Variants in IKBKB-DT observed in about 807,000 individuals in gnomAD.
The protein encoded by IKBKB-DT is IKBKB antisense RNA.
chr8:42,252,229 C>G (rs902129925), intron 3 of IKBKB-DT, among the ~76,000 whole-genome samples: 5 of 152,222 alleles, frequency 3.3e-5, no homozygotes, highest in African/African-American at 1.2e-4. Context: ...AACGGCACAC[C>G]TGGTCCAACC....
At chr8:42,254,188 A>G (rs1807164441) in intron 3 of IKBKB-DT, among the ~76,000 whole-genome samples, 1 of 152,258 alleles carries the variant, frequency 6.6e-6, no homozygotes, top group African/African-American at 2.4e-5. Flanking sequence ...GTCTTTGAAG[A>G]GGAACCTCTA....
intron 3 of IKBKB-DT, among the ~76,000 whole-genome samples, chr8:42,257,122 TAAA>T (rs1045048898): frequency 2.6e-5 from 4 of 152,238 alleles, no homozygotes; most frequent in African/African-American, 7.2e-5. Context: ...AAATATGACA[TAAA>T]GAAGCTTTAG....
Position 42,248,326 on chromosome 8 carries a change from C to T in IKBKB-DT, n.1530-14467G>A, listed in dbSNP as rs899119266. On this transcript the variant is annotated intron_variant and non_coding_transcript_variant, in intron 3 of 3. Coordinates refer to ENST00000518213, the Ensembl canonical transcript of IKBKB-DT. ...GCCTGATTCCTAACAGGCCACAGACCGGGACCTGTCTTCGGCTCTTGGTTT... is the reference window on the plus strand; with the variant it reads ...GCCTGATTCCTAACAGGCCACAGACTGGGACCTGTCTTCGGCTCTTGGTTT... Among the ~76,000 whole-genome samples, 6 of 152,020 alleles carry T rather than the reference C, an allele frequency of 3.9e-5. No homozygotes were observed. In the East Asian group the frequency reaches 7.7e-4, roughly 20 times the overall value.
chr8:42,257,061 A>G (rs932013799), intron 3 of IKBKB-DT, among the ~76,000 whole-genome samples: 1 of 152,274 alleles, frequency 6.6e-6, no homozygotes, highest in Admixed American at 6.5e-5. Context: ...CTAGAATTAT[A>G]ACTGACAACA....
chr8:42,253,877 C>T (rs960042183), intron 3 of IKBKB-DT, among the ~76,000 whole-genome samples: 1 of 152,108 alleles, frequency 6.6e-6, no homozygotes, highest in African/African-American at 2.4e-5. Context: ...TCTAGCAACT[C>T]AGAACTTTTT....
At chr8:42,234,113 A>G (rs1438923288) in intron 3 of IKBKB-DT, among the ~76,000 whole-genome samples, 1 of 152,220 alleles carries the variant, frequency 6.6e-6, no homozygotes, top group Non-Finnish European at 1.5e-5. Context: ...TCTTTGTTTT[A>G]AACCATAAAC....
At chr8:42,259,022 C>T (rs1807245877) in intron 3 of IKBKB-DT, among the ~76,000 whole-genome samples, 2 of 151,848 alleles carry the variant, frequency 1.3e-5, no homozygotes, top group African/African-American at 2.4e-5. Flanking sequence ...GTTTTTCTTT[C>T]TTTCTTTCTT....
At chr8:42,238,330 C>A (rs1413170605) in intron 3 of IKBKB-DT, among the ~76,000 whole-genome samples, 1 of 152,190 alleles carries the variant, frequency 6.6e-6, no homozygotes. Context: ...GGCTGACTGT[C>A]CTCACTCATT....
chr8:42,269,645 A>G (rs1171809461), intron 1 of IKBKB-DT, among the ~76,000 whole-genome samples: 1 of 151,294 alleles, frequency 6.6e-6, no homozygotes, highest in Non-Finnish European at 1.5e-5. Context: ...AGAGAGAGAG[A>G]AAGAAAAAGA....
intron 3 of IKBKB-DT, among the ~76,000 whole-genome samples, chr8:42,254,705 A>G (rs1396284999): frequency 7.2e-6 from 1 of 138,768 alleles, no homozygotes; most frequent in Non-Finnish European, 1.5e-5. Context: ...CCCATCTGGG[A>G]TGTCAGGAGC....
Position 42,262,459 on chromosome 8 carries a change from A to ATTTAT in IKBKB-DT, n.1529+869_1529+870insATAAA, listed in dbSNP as rs534661232. ...ATTTATTTATTTATTTATTTATTTAAGACAGAGTCTCACTCTGTGGCCCAG... is the reference window on the plus strand; with the variant it reads ...ATTTATTTATTTATTTATTTATTTAATTTATGACAGAGTCTCACTCTGTGGCCCAG... On this transcript the variant is annotated intron_variant and non_coding_transcript_variant, in intron 3 of 3. Transcript: ENST00000518213. 3.3e-3 allele frequency among the ~76,000 whole-genome samples: 414 copies of ATTTAT among 124,078 alleles called. 3 individuals carry two copies. The highest frequency in any genetic ancestry group is 0.017 in the African/African-American group (389 of 23,524). 81.4% of individuals were successfully genotyped at this position (124,078 alleles called of 152,430 possible). A position where few individuals can be genotyped will look rare whatever the true frequency, so the allele number is the denominator to read the frequency against.
chr8:42,247,042 T>C (rs1807073120), intron 3 of IKBKB-DT, among the ~76,000 whole-genome samples: 1 of 152,166 alleles, frequency 6.6e-6, no homozygotes. Context: ...AGTGAAGCTA[T>C]GAGAAGACGG....
At chr8:42,247,472 G>A (rs950496144) in intron 3 of IKBKB-DT, among the ~76,000 whole-genome samples, 8 of 152,176 alleles carry the variant, frequency 5.3e-5, no homozygotes, top group African/African-American at 1.7e-4. Flanking sequence ...AATCTCAGAT[G>A]AGACTTTGGA....
intron 3 of IKBKB-DT, among the ~76,000 whole-genome samples, chr8:42,251,074 C>T (rs952593203): frequency 6.9e-6 from 1 of 143,986 alleles, no homozygotes; most frequent in Non-Finnish European, 1.5e-5. Context: ...ACCAGCCTGG[C>T]CAACATGGTG....
At chr8:42,239,650 AT>A (rs550862579) in intron 3 of IKBKB-DT, among the ~76,000 whole-genome samples, 2,666 of 110,596 alleles carry the variant, frequency 0.024, 47 homozygotes, top group Non-Finnish European at 0.033. Context: ...TTATTTATTC[AT>A]TTTTTTTTTT....
intron 3 of IKBKB-DT, among the ~76,000 whole-genome samples, chr8:42,239,645 T>C (rs1259920746): frequency 3.5e-4 from 45 of 126,920 alleles, no homozygotes; most frequent in South Asian, 4.9e-4. Flanking sequence ...TTTATTTATT[T>C]ATTCATTTTT....
At chr8:42,239,140 T>A (rs989677353) in intron 3 of IKBKB-DT, among the ~76,000 whole-genome samples, 3 of 150,704 alleles carry the variant, frequency 2.0e-5, no homozygotes, top group Admixed American at 6.6e-5. Flanking sequence ...ACACATGCTT[T>A]AAGTAAGATC....
intron 3 of IKBKB-DT, among the ~76,000 whole-genome samples, chr8:42,241,419 CT>C (rs1376887643): frequency 6.6e-6 from 1 of 151,570 alleles, no homozygotes; most frequent in East Asian, 1.9e-4. Context: ...CTTTATTCTG[CT>C]TTTTTGCTGC....
chr8:42,261,588 C>T (rs754565962), intron 3 of IKBKB-DT, among the ~76,000 whole-genome samples: 12 of 152,176 alleles, frequency 7.9e-5, no homozygotes, highest in Non-Finnish European at 1.8e-4. Context: ...TTCTGTAAAC[C>T]AATGTGAATT....
Sources: gnomAD v4.1 joint callset for allele counts (sites outside exome capture counted in the v4.1 genomes callset) on GRCh38, gnomAD v4.1.1 for gene constraint, MANE v1.5 for transcripts, NCBI Gene and HGNC (gene_info 2026-07-23, HGNC 2026-07-21) for gene names.